GRIA1: variants seen among roughly 807,000 people sequenced by gnomAD.
The protein encoded by GRIA1 is glutamate ionotropic receptor AMPA type subunit 1.
GRIA1 carries 31 observed loss-of-function variants against 99.2 expected under a neutral mutation model. That is an observed-to-expected ratio of 0.31 (90% CI 0.23 to 0.42). The LOEUF (loss-of-function observed/expected upper bound fraction) is 0.42, where lower values mean the gene tolerates loss of function less well. Ranked by LOEUF, GRIA1 falls within the 10% of genes least tolerant of loss-of-function variation. The pLI is 1.00. For synonymous variants in GRIA1, 438 were observed against 432.4 expected (o/e 1.01, Z -0.16); for missense variants, 782 against 1,157.5 (o/e 0.68, Z 4.71).
intron 7 of GRIA1, among the ~76,000 whole-genome samples, chr5:153,681,997 G>A (rs1279729643): frequency 2.0e-5 from 3 of 151,204 alleles, no homozygotes; most frequent in African/African-American, 7.3e-5. Context: ...TTGTGCCACT[G>A]CATACCACAC....
intron 11 of GRIA1, among the ~76,000 whole-genome samples, chr5:153,748,169 T>C (rs912961182): frequency 6.6e-6 from 1 of 152,114 alleles, no homozygotes; most frequent in Non-Finnish European, 1.5e-5. Flanking sequence ...TATACTTTGA[T>C]AAGTGCTATG....
intron 2 of GRIA1, among the ~76,000 whole-genome samples, chr5:153,600,694 T>C (rs1184426113): frequency 6.6e-6 from 1 of 152,110 alleles, no homozygotes; most frequent in Non-Finnish European, 1.5e-5. Context: ...AAAGGGAAAC[T>C]GGGAGAAGAA....
intron 2 of GRIA1, among the ~76,000 whole-genome samples, chr5:153,608,723 T>G (rs1765674932): frequency 6.6e-6 from 1 of 152,244 alleles, no homozygotes; most frequent in South Asian, 2.1e-4. Flanking sequence ...CTTGAGCCCC[T>G]GTGGGTCTAT....
At position 153,645,768 on chromosome 5, in the gene GRIA1, G is replaced by C. The variant is rs185594867; in HGVS notation, c.221-1160G>C. Among the ~76,000 whole-genome samples, 116 of 152,220 alleles carry C rather than the reference G, an allele frequency of 7.6e-4. 1 individual carries two copies. The highest frequency in any genetic ancestry group is 3.4e-3 in the Middle Eastern group (1 of 294). ...CTGGAAACAGGTGATATGGTAAAAA[G>C]AGTAAAGGATCTAAGAGCATTAACT... On this transcript the variant is annotated intron_variant, in intron 2 of 15. Coordinates refer to ENST00000285900, the MANE Select transcript of GRIA1 (RefSeq NM_000827.4).
chr5:153,554,607 C>A (rs913421920), intron 2 of GRIA1, among the ~76,000 whole-genome samples: 3 of 152,180 alleles, frequency 2.0e-5, no homozygotes, highest in Admixed American at 1.3e-4. Context: ...GATTCTCCTG[C>A]CTCAGCCTCC....
At chr5:153,645,710 TTGAGATCCCATACACAG>T (rs1431061477) in intron 2 of GRIA1, among the ~76,000 whole-genome samples, 2 of 152,150 alleles carry the variant, frequency 1.3e-5, no homozygotes, top group African/African-American at 4.8e-5. Flanking sequence ...ATACTGTAAT[TTGAGATCCCATACACAG>T]TGGCAATGTG....
intron 8 of GRIA1, among the ~76,000 whole-genome samples, chr5:153,692,853 G>A (rs971792819): frequency 6.6e-5 from 10 of 152,180 alleles, no homozygotes; most frequent in African/African-American, 2.4e-4. Flanking sequence ...CAATCAGAGA[G>A]CACACTATGC....
chr5:153,806,029 G>A (rs907775149), intron 15 of GRIA1, among the ~76,000 whole-genome samples: 3 of 152,108 alleles, frequency 2.0e-5, no homozygotes, highest in Non-Finnish European at 4.4e-5. Context: ...TCTCTTATCC[G>A]AAAGAGATAA....
At chr5:153,688,253 T>A (rs555581140) in intron 8 of GRIA1, among the ~76,000 whole-genome samples, 1 of 152,312 alleles carries the variant, frequency 6.6e-6, no homozygotes, top group Admixed American at 6.5e-5. Flanking sequence ...TATTTGGCTA[T>A]GAATGTAGCC....
chr5:153,566,968 C>T (rs550009859), intron 2 of GRIA1, among the ~76,000 whole-genome samples: 17 of 152,200 alleles, frequency 1.1e-4, no homozygotes, highest in South Asian at 8.3e-4. Flanking sequence ...CCACCCGCCT[C>T]GGCCTCCCAA....
intron 11 of GRIA1, among the ~76,000 whole-genome samples, chr5:153,745,886 G>A (rs1267532266): frequency 6.6e-6 from 1 of 151,986 alleles, no homozygotes; most frequent in Non-Finnish European, 1.5e-5. Context: ...TTTTTCCCAT[G>A]TCATCTTTCA....
intron 2 of GRIA1, among the ~76,000 whole-genome samples, chr5:153,495,858 T>C (rs1754363911): frequency 2.6e-5 from 4 of 152,206 alleles, no homozygotes; most frequent in African/African-American, 9.6e-5. Context: ...GGCATTTGGT[T>C]GGGGGCATCA....
chr5:153,568,244 C>T (rs1459063457), intron 2 of GRIA1, among the ~76,000 whole-genome samples: 1 of 152,182 alleles, frequency 6.6e-6, no homozygotes, highest in Non-Finnish European at 1.5e-5. Context: ...TAATATAGTA[C>T]TTAGCATTTG....
At chr5:153,686,651 A>G (rs1209623676) in intron 8 of GRIA1, among the ~76,000 whole-genome samples, 1 of 152,250 alleles carries the variant, frequency 6.6e-6, no homozygotes, top group Non-Finnish European at 1.5e-5. Flanking sequence ...TGCCACTCCC[A>G]TTCCTGAGGG....
intron 2 of GRIA1, among the ~76,000 whole-genome samples, chr5:153,644,043 G>A (rs1227485745): frequency 6.6e-6 from 1 of 152,196 alleles, no homozygotes; most frequent in Non-Finnish European, 1.5e-5. Flanking sequence ...ATATTTTATT[G>A]CAGCAAGGGG....
chr5:153,637,877 C>T (rs1414945962), intron 2 of GRIA1, among the ~76,000 whole-genome samples: 1 of 152,212 alleles, frequency 6.6e-6, no homozygotes, highest in Non-Finnish European at 1.5e-5. Flanking sequence ...TCGTTATTCC[C>T]TACCTAGCTC....
chr5:153,529,071 T>C (rs1468856737), intron 2 of GRIA1, among the ~76,000 whole-genome samples: 2 of 152,270 alleles, frequency 1.3e-5, no homozygotes, highest in Non-Finnish European at 2.9e-5. Context: ...GCAGGTTTTC[T>C]CACTAGGGTC....
chr5:153,769,814 T>C (rs1469313203), intron 12 of GRIA1, among the ~76,000 whole-genome samples: 3 of 152,112 alleles, frequency 2.0e-5, no homozygotes, highest in African/African-American at 7.2e-5. Flanking sequence ...CTATTTCTTC[T>C]GGTTAGTATA....
intron 11 of GRIA1, among the ~76,000 whole-genome samples, chr5:153,721,598 C>T (rs2149540705): frequency 6.6e-6 from 1 of 152,290 alleles, no homozygotes; most frequent in South Asian, 2.1e-4. Context: ...GTTTTTGAAT[C>T]TACTGAATAG....
Sources: gnomAD v4.1 joint callset for allele counts (sites outside exome capture counted in the v4.1 genomes callset) on GRCh38, gnomAD v4.1.1 for gene constraint, MANE v1.5 for transcripts, NCBI Gene and HGNC (gene_info 2026-07-23, HGNC 2026-07-21) for gene names.